Variants in AMY2B observed in about 807,000 individuals in gnomAD.
AMY2B encodes the protein alpha-amylase 2B.
AMY2B carries 63 observed loss-of-function variants against 59.3 expected under a neutral mutation model. The ratio of observed to expected loss-of-function variants is 1.06; its 90% CI spans 0.87 to 1.31. The LOEUF is 1.31. Among genes scored for constraint, AMY2B ranks in the 50% most tolerant of loss-of-function variants. The probability of loss-of-function intolerance (pLI) is 0.00; values close to 1 mark genes in which losing one functional copy is unlikely to be tolerated. For missense variants in AMY2B, 635 were observed against 626.7 expected (o/e 1.01, Z -0.14); for synonymous variants, 180 against 198.1 (o/e 0.91, Z 0.77).
In AMY2B at chr1:103,573,947, A is replaced by G; in HGVS notation, c.744+9A>G. 6.2e-7 allele frequency: 1 copy of G among 1,613,740 alleles called. No homozygotes were observed. The highest frequency in any genetic ancestry group is 8.5e-7 in the Non-Finnish European group (1 of 1,179,706). ...CTTTCATTTACCAGGAGGTACATCA[A>G]TACATATATGCATATAAAATATCAT... On this transcript the variant is annotated intron_variant, in intron 4 of 9. Coordinates refer to ENST00000684275, the MANE Select transcript of AMY2B (RefSeq NM_001387437.1).
intron 1 of AMY2B, among the ~76,000 whole-genome samples, chr1:103,563,064 G>T (rs1651786333): frequency 6.6e-6 from 1 of 151,996 alleles, no homozygotes; most frequent in African/African-American, 2.4e-5. Flanking sequence ...GAGACCCTCA[G>T]AAACTGGCTA....
chr1:103,577,947 A>G, intron 9 of AMY2B, 102 bp downstream of exon 9: 1 of 1,564,720 alleles, frequency 6.4e-7, no homozygotes. Flanking sequence ...AAAATCATGT[A>G]GTCAGTGGAG....
chr1:103,556,971 T>C (rs897758848), intron 1 of AMY2B, among the ~76,000 whole-genome samples: 1 of 152,126 alleles, frequency 6.6e-6, no homozygotes, highest in Non-Finnish European at 1.5e-5. Flanking sequence ...TCAGTAGATA[T>C]GTGAGCTAAC....
chr1:103,571,310 T>A (rs1415973750), upstream of AMY2B: 1 of 859,368 alleles, frequency 1.2e-6, no homozygotes, highest in Non-Finnish European at 1.6e-6. Flanking sequence ...ATTTTGGTTT[T>A]CTACTGTTAC....
intron 5 of AMY2B, 116 bp downstream of exon 5, chr1:103,574,509 T>C: frequency 6.3e-7 from 1 of 1,574,842 alleles, no homozygotes; most frequent in Non-Finnish European, 8.6e-7. Context: ...GAGTCAATTG[T>C]TAATGATAAG....
In AMY2B at chr1:103,571,783, C is replaced by T; in HGVS notation, c.168+13C>T. On this transcript the variant is annotated intron_variant, in intron 1 of 9. Transcript: ENST00000684275. ...TGGAGGGGTTCAGGTGGGTATGATTCATAGTATCAATTGCAGAATTCACTA... is the reference window on the plus strand; with the variant it reads ...TGGAGGGGTTCAGGTGGGTATGATTTATAGTATCAATTGCAGAATTCACTA... 1 of 1,611,918 alleles carries T rather than the reference C, an allele frequency of 6.2e-7. No homozygotes were observed. The highest frequency in any genetic ancestry group is 2.2e-5 in the East Asian group (1 of 44,854).
At chr1:103,574,088 C>A in intron 4 of AMY2B, 150 bp downstream of exon 4, 1 of 1,498,834 alleles carries the variant, frequency 6.7e-7, no homozygotes, top group Non-Finnish European at 8.9e-7. Context: ...TACAGCATAT[C>A]TAATTCTTTA....
chr1:103,569,637 C>G (rs746017932), upstream of AMY2B: 54 of 399,948 alleles, frequency 1.4e-4, no homozygotes, highest in Non-Finnish European at 2.3e-4. Context: ...CAACCCCCAG[C>G]CATGTTTCCT....
chr1:103,557,762 G>A (rs1179942873), intron 1 of AMY2B, among the ~76,000 whole-genome samples: 1 of 151,962 alleles, frequency 6.6e-6, no homozygotes, highest in Non-Finnish European at 1.5e-5. Flanking sequence ...AAGAAGATGT[G>A]AGCAGTTTTA....
At chr1:103,566,148 T>A (rs980634480) in intron 2 of AMY2B, among the ~76,000 whole-genome samples, 1 of 152,194 alleles carries the variant, frequency 6.6e-6, no homozygotes, top group African/African-American at 2.4e-5. Context: ...TCTCTTTTCA[T>A]TGATGTCAAA....
Position 103,575,336 on chromosome 1 carries a change from G to T in AMY2B, c.992G>T (p.Trp331Leu), listed in dbSNP as rs1269694669. The T allele has an allele frequency of 6.2e-7, 1 of 1,613,414 alleles. No homozygotes were observed. The highest frequency in any genetic ancestry group is 8.5e-7 in the Non-Finnish European group (1 of 1,179,640). The change falls in exon 6 of 10, where the codon TGG becomes TTG. Residue 331 changes from tryptophan to leucine, a missense_variant. Coordinates refer to ENST00000684275, the MANE Select transcript of AMY2B (RefSeq NM_001387437.1). ...GGAGGAGCCTCTATTCTTACCTTCT[G>T]GGATGCTAGGTAGAAAACCAAGTTC... ...GAGGASILTF[W>L]DARLYKMAVG...
chr1:103,555,952 C>T lies in AMY2B; in HGVS notation c.-207+843C>T, dbSNP rs118052030. Among the ~76,000 whole-genome samples, 177 of 152,032 alleles carry T rather than the reference C, an allele frequency of 1.2e-3. 3 individuals carry two copies. The East Asian group carries it at 0.03, about 26-fold the overall frequency. ...GACCTGGTATACAAATAGAAGGGTTCGTTTTAAAGATAGGCACACAAACAG... is the reference window on the plus strand; with the variant it reads ...GACCTGGTATACAAATAGAAGGGTTTGTTTTAAAGATAGGCACACAAACAG... On this transcript the variant is annotated intron_variant, in intron 1 of 11. Transcript: ENST00000361355.
At chr1:103,566,544 T>A (rs1490632443) in intron 2 of AMY2B, among the ~76,000 whole-genome samples, 4 of 152,152 alleles carry the variant, frequency 2.6e-5, no homozygotes, top group African/African-American at 9.7e-5. Flanking sequence ...ACTATCCGAG[T>A]GTGTTTTACA....
At chr1:103,577,667 A>G (rs1652414516) in intron 8 of AMY2B, 53 bp from the exon 9 acceptor site, 2 of 1,611,920 alleles carry the variant, frequency 1.2e-6, no homozygotes, top group Non-Finnish European at 1.7e-6. Context: ...CATTTTATTT[A>G]AAACAGTTGA....
At chr1:103,575,777 A>T in intron 7 of AMY2B, 4 of 245,716 alleles carry the variant, frequency 1.6e-5, no homozygotes, top group Admixed American at 6.1e-5. Flanking sequence ...AGCCCACAGG[A>T]AAAAAAAAAA....
In AMY2B at chr1:103,560,196, C is replaced by G. The variant is rs573945315; in HGVS notation, c.-207+5087C>G. On this transcript the variant is annotated intron_variant, in intron 1 of 11. Coordinates refer to the AMY2B transcript ENST00000361355. The stretch of plus-strand genomic sequence containing the variant: ...TGCTCTTAATAAGGTTGTTAAAACT[C>G]TCTCATAATTGTAGATTTCCCTATT... Among the ~76,000 whole-genome samples, 4 of 152,170 alleles carry G rather than the reference C, an allele frequency of 2.6e-5. No homozygotes were observed. The East Asian group carries it at 5.8e-4, about 22-fold the overall frequency.
In AMY2B at chr1:103,572,154, A is replaced by G; in HGVS notation, c.213A>G (p.Arg71=). The change falls in exon 2 of 10, where the codon AGA becomes AGG. Residue 71 remains arginine, a synonymous_variant. Transcript: ENST00000684275. ...NENVAIHNPF[R]PWWERYQPVS... is the part of the protein sequence containing the mutation. ...ATGTTGCAATTCACAACCCTTTCAG[A>G]CCTTGGTGGGAAAGATACCAACCAG... 1 of 1,611,716 alleles carries G rather than the reference A, an allele frequency of 6.2e-7. No homozygotes were observed. Among genetic ancestry groups the G allele is most frequent in the Non-Finnish European group, 8.5e-7 (1 of 1,179,698 alleles).
chr1:103,573,857 C>A lies in AMY2B; in HGVS notation c.663C>A (p.Asp221Glu), dbSNP rs144861431. The change falls in exon 4 of 10, where the codon GAC becomes GAA. Residue 221 changes from aspartate (D) to glutamate (E), a missense_variant. Physicochemically the swap from Asp to Glu is conservative, Grantham distance 45 (BLOSUM62 2). Transcript: ENST00000684275. ...CTTCCAAGCACATGTGGCCTGGAGA[C>A]ATAAAGGCAATTTTGGACAAACTGC... The part of the protein sequence containing the change: ...LDASKHMWPG[D>E]IKAILDKLHN... The A allele has an allele frequency of 1.2e-6, 2 of 1,613,780 alleles. No homozygotes were observed. Among genetic ancestry groups the A allele is most frequent in the African/African-American group, 1.3e-5 (1 of 74,994 alleles).
rs576118686 is a variant in AMY2B, at chr1:103,572,331, C to G, written c.315+75C>G. On this transcript the variant is annotated intron_variant, in intron 2 of 9. Transcript: ENST00000684275. ...CTCTCTCTTCTTTCTTGCTCCTTTTCAGCAGAAAGTTTTCCATATTTTATT... is the reference window on the plus strand; with the variant it reads ...CTCTCTCTTCTTTCTTGCTCCTTTTGAGCAGAAAGTTTTCCATATTTTATT... The G allele has an allele frequency of 7.7e-5, 120 of 1,552,464 alleles. No homozygotes were observed. The South Asian group carries it at 9.6e-4, about 12-fold the overall frequency.
Sources: allele counts gnomAD v4.1 joint callset (sites outside exome capture counted in the v4.1 genomes callset), GRCh38; gene constraint gnomAD v4.1.1; transcripts MANE v1.5; gene names NCBI Gene and HGNC (gene_info 2026-07-23, HGNC 2026-07-21).